UQCR11: variants seen among roughly 807,000 people sequenced by gnomAD.
UQCR11 encodes cytochrome b-c1 complex subunit 10.
UQCR11 carries 10 observed loss-of-function variants against 7.6 expected under a neutral mutation model. That is an observed-to-expected ratio of 1.31 (90% confidence interval 0.81 to 2.22). The LOEUF is 2.22. Among genes scored for constraint, UQCR11 ranks in the 30% most tolerant of loss-of-function variants. The pLI, the probability that UQCR11 is intolerant of heterozygous loss-of-function variation, is 0.00. For missense variants in UQCR11, 86 were observed against 75.1 expected, an observed-to-expected ratio of 1.15 and a Z score of -0.54; for synonymous variants, 34 against 34.9, an observed-to-expected ratio of 0.97 and a Z score of 0.09.
At chr19:1,599,363 A>G (rs2060740340) in intron 2 of UQCR11, 49 bp downstream of exon 2, 2 of 1,591,280 alleles carry the variant, frequency 1.3e-6, no homozygotes, top group Admixed American at 1.7e-5. Context: ...CTCTTCGGCC[A>G]CCATCCGGCC....
chr19:1,602,803 G>C (rs573873131), intron 1 of UQCR11, among the ~76,000 whole-genome samples: 10 of 152,234 alleles, frequency 6.6e-5, no homozygotes, highest in African/African-American at 2.4e-4. Flanking sequence ...CCAGTGGGCC[G>C]GCCTCCGCCT....
chr19:1,599,548 G>A lies in UQCR11; in HGVS notation c.63C>T (p.Ala21=). ...CGGCGCCCACAGCGCCCCATGTGTA[G>A]GCCGTCGGGACCCTGCGAGAGGAGA... The part of the protein sequence containing the change: ...RELVKNWVPT[A]YTWGAVGAVG... The change falls in exon 2 of 3, where the codon GCC becomes GCT. Residue 21 remains alanine, a synonymous_variant. Coordinates refer to ENST00000591899, the MANE Select transcript of UQCR11 (RefSeq NM_006830.4). 6.2e-7 allele frequency: 1 copy of A among 1,610,816 alleles called. No individual in the cohort carries two copies. The highest frequency in any genetic ancestry group is 2.2e-5 in the East Asian group (1 of 44,888).
At chr19:1,598,850 C>G (rs2060738868) in intron 2 of UQCR11, 1 of 155,622 alleles carries the variant, frequency 6.4e-6, no homozygotes. Context: ...GGCTCTGAGG[C>G]CCAGGTTCAA....
rs1466084779 is a variant in UQCR11 at position 1,605,378 on chromosome 19, C to T, written c.32G>A (p.Arg11Gln). The change falls in exon 1 of 3, where the codon CGG becomes CAG. Residue 11 changes from arginine to glutamine, a missense_variant. Physicochemically the swap from Arg to Gln is conservative, Grantham distance 43. Coordinates refer to ENST00000591899, the MANE Select transcript of UQCR11 (RefSeq NM_006830.4). Reference protein sequence around the residue: MVTRFLGPRYRELVKNWVPTA... With the variant: MVTRFLGPRYQELVKNWVPTA... ...TCCTCACCAGTTCTTGACCAGCTCC[C>T]GGTAGCGTGGGCCCAGGAACCGGGT... 1.9e-6 allele frequency: 3 copies of T among 1,579,968 alleles called. No individual in the cohort carries two copies. Among genetic ancestry groups the T allele is most frequent in the Non-Finnish European group, 2.6e-6 (3 of 1,167,656 alleles).
At chr19:1,603,177 T>C (rs988326735) in intron 1 of UQCR11, among the ~76,000 whole-genome samples, 3 of 152,172 alleles carry the variant, frequency 2.0e-5, no homozygotes, top group African/African-American at 7.2e-5. Context: ...CACCCCTTCC[T>C]CTCCCGCTTC....
intron 1 of UQCR11, among the ~76,000 whole-genome samples, chr19:1,600,778 G>A (rs2060745033): frequency 6.6e-6 from 1 of 152,218 alleles, no homozygotes; most frequent in South Asian, 2.1e-4. Flanking sequence ...GAAAGCTGGG[G>A]CAGGAGGATC....
rs145969206 is a variant in UQCR11 at position 1,599,554 on chromosome 19, C to T, written c.57G>A (p.Pro19=). 3.2e-4 allele frequency: 509 copies of T among 1,609,382 alleles called. 3 individuals carry two copies. Among genetic ancestry groups the T allele is most frequent in the South Asian group, 1.6e-3 (142 of 91,072 alleles). The change falls in exon 2 of 3, where the codon CCG becomes CCA. Residue 19 remains proline, a synonymous_variant. Coordinates refer to ENST00000591899, the MANE Select transcript of UQCR11 (RefSeq NM_006830.4). ...RYRELVKNWV[P]TAYTWGAVGA... ...CCACAGCGCCCCATGTGTAGGCCGT[C>T]GGGACCCTGCGAGAGGAGAGGGGAT...
chr19:1,603,191 A>G (rs1215483225), intron 1 of UQCR11, among the ~76,000 whole-genome samples: 2 of 152,060 alleles, frequency 1.3e-5, no homozygotes, highest in Non-Finnish European at 2.9e-5. Context: ...CCGCTTCGTT[A>G]TTTTAGGTCA....
At chr19:1,604,340 A>C (rs923915613) in intron 1 of UQCR11, among the ~76,000 whole-genome samples, 15 of 152,150 alleles carry the variant, frequency 9.9e-5, no homozygotes, top group South Asian at 2.1e-4. Context: ...TAGCCTCCCC[A>C]GTAGCTGGGA....
intron 1 of UQCR11, among the ~76,000 whole-genome samples, chr19:1,601,599 C>CAAAAAAAAAA (rs56108793): frequency 1.2e-5 from 1 of 81,192 alleles, no homozygotes; most frequent in Non-Finnish European, 2.4e-5. Flanking sequence ...GACACCGTCT[C>CAAAAAAAAAA]AAAAAAAAAA....
intron 1 of UQCR11, among the ~76,000 whole-genome samples, chr19:1,599,990 G>A (rs1045010719): frequency 1.3e-5 from 2 of 152,250 alleles, no homozygotes; most frequent in East Asian, 3.8e-4. Context: ...GCCCTCACCT[G>A]AGGCCACACA....
chr19:1,600,209 CTTTTTTT>C (rs751453784), intron 1 of UQCR11, among the ~76,000 whole-genome samples: 27 of 121,350 alleles, frequency 2.2e-4, no homozygotes, highest in Non-Finnish European at 4.5e-4. Context: ...GCACAGGCTT[CTTTTTTT>C]TTTTTTTTTT....
intron 1 of UQCR11, among the ~76,000 whole-genome samples, chr19:1,603,962 A>C (rs2060754521): frequency 6.6e-6 from 1 of 152,152 alleles, no homozygotes; most frequent in South Asian, 2.1e-4. Flanking sequence ...TTTCTTTTTT[A>C]GAAACGGAGT....
At chr19:1,598,911 A>C (rs1202804392) in intron 2 of UQCR11, 1 of 161,312 alleles carries the variant, frequency 6.2e-6, no homozygotes, top group East Asian at 1.9e-4. Context: ...ATGGGGGTGT[A>C]AGAGCACGGC....
chr19:1,600,209 CTTTTT>C (rs751453784), intron 1 of UQCR11, among the ~76,000 whole-genome samples: 2 of 121,350 alleles, frequency 1.6e-5, no homozygotes, highest in Non-Finnish European at 3.5e-5. Flanking sequence ...GCACAGGCTT[CTTTTT>C]TTTTTTTTTT....
intron 1 of UQCR11, among the ~76,000 whole-genome samples, chr19:1,603,759 A>G (rs1399588553): frequency 6.6e-6 from 1 of 152,266 alleles, no homozygotes; most frequent in African/African-American, 2.4e-5. Flanking sequence ...CTGGGTTCTC[A>G]GCTAGGAGCA....
intron 2 of UQCR11, 143 bp from the exon 3 acceptor site, chr19:1,598,358 A>C (rs914067306): frequency 6.6e-6 from 1 of 152,382 alleles, no homozygotes; most frequent in African/African-American, 2.4e-5. Flanking sequence ...CAGCTTGATT[A>C]ACATGGAGAA....
At chr19:1,598,625 C>A (rs571342812) in intron 2 of UQCR11, among the ~76,000 whole-genome samples, 120 of 152,166 alleles carry the variant, frequency 7.9e-4, no homozygotes, top group African/African-American at 2.7e-3. Flanking sequence ...GCACAAGAAT[C>A]GCTTGAACCT....
chr19:1,599,130 C>A (rs1599356004), intron 2 of UQCR11: 1 of 349,058 alleles, frequency 2.9e-6, no homozygotes. Context: ...GCAGTGCCCA[C>A]TGAGACGGAA....
Sources: allele counts gnomAD v4.1 joint callset (sites outside exome capture counted in the v4.1 genomes callset), GRCh38; gene constraint gnomAD v4.1.1; transcripts MANE v1.5; gene names NCBI Gene and HGNC (gene_info 2026-07-23, HGNC 2026-07-21).